MYO9B: variants seen among roughly 807,000 people sequenced by gnomAD.
MYO9B encodes unconventional myosin-IXb.
Under a neutral mutation model 229.5 loss-of-function variants are expected in MYO9B, and 71 were observed. The ratio of observed to expected loss-of-function variants is 0.31; its 90% CI spans 0.26 to 0.38. MYO9B has a LOEUF of 0.38. MYO9B is among the 10% of genes least tolerant of loss of function. The pLI is 1.00. For missense variants in MYO9B, 2,255 were observed against 2,920.5 expected, an observed-to-expected ratio of 0.77 and a Z score of 5.25; for synonymous variants, 1,185 against 1,235.8, an observed-to-expected ratio of 0.96 and a Z score of 0.86.
intron 1 of MYO9B, among the ~76,000 whole-genome samples, chr19:17,087,416 C>T (rs1214812125): frequency 6.6e-6 from 1 of 152,150 alleles, no homozygotes; most frequent in Non-Finnish European, 1.5e-5. Flanking sequence ...CATGGGTGAG[C>T]GTGGAATTGG....
chr19:17,211,844 C>T lies in MYO9B; in HGVS notation c.6059-51C>T. 9 of 1,605,274 alleles carry T rather than the reference C, an allele frequency of 5.6e-6. 1 individual carries two copies. In the South Asian group the frequency reaches 8.8e-5, roughly 16 times the overall value. On this transcript the variant is annotated intron_variant, in intron 39 of 39. Coordinates refer to ENST00000682292, the MANE Select transcript of MYO9B (RefSeq NM_004145.4). ...CAGCAGGCCCCAGGGCGAGGGTCCT[C>T]CGGCTGCCGGCCCTGAAGCTGCAGT...
rs766291777 is a variant in MYO9B, at chr19:17,195,229, G to A, written c.3802G>A (p.Ala1268Thr). 39 of 1,611,338 alleles carry A rather than the reference G, an allele frequency of 2.4e-5. No homozygotes were observed. The highest frequency in any genetic ancestry group is 9.4e-5 in the African/African-American group (7 of 74,690). ...SRVSPPAPGS[A>T]PETPEDKSKP... ...GGTCAGCCCACCGGCCCCTGGCAGC[G>A]CCCCCGAGACCCCCGAGGACAAGAG... The change falls in exon 22 of 40, where the codon GCC (alanine) becomes ACC (threonine). Residue 1268 changes from alanine (A) to threonine (T), a missense_variant. Transcript: ENST00000682292. This position sits in a 1 kb window ranked among gnomAD's most constrained non-coding sequence, Gnocchi z 4.5.
At chr19:17,145,091 A>G (rs964977165) in intron 2 of MYO9B, among the ~76,000 whole-genome samples, 1 of 152,090 alleles carries the variant, frequency 6.6e-6, no homozygotes, top group African/African-American at 2.4e-5. Flanking sequence ...CAGCCTGGAC[A>G]ACATGGTGAA....
chr19:17,160,380 G>A lies in MYO9B; in HGVS notation c.1419+896G>A, dbSNP rs185112575. ...TCCATTTCCTTGACACCCAAGAAAT[G>A]CAAAACGAGGGGGACACATTCTAGA... On this transcript the variant is annotated intron_variant, in intron 8 of 39. Coordinates refer to ENST00000682292, the MANE Select transcript of MYO9B (RefSeq NM_004145.4). 3.9e-5 allele frequency among the ~76,000 whole-genome samples: 6 copies of A among 152,188 alleles called. No individual in the cohort carries two copies. In the East Asian group the frequency reaches 1.2e-3, roughly 29 times the overall value.
intron 1 of MYO9B, among the ~76,000 whole-genome samples, chr19:17,086,651 G>A (rs1021320127): frequency 3.9e-5 from 6 of 152,126 alleles, no homozygotes; most frequent in East Asian, 3.9e-4. Flanking sequence ...AAGCTGAGGC[G>A]GGCAGATCGC....
chr19:17,160,997 A>C (rs553275767), intron 8 of MYO9B, among the ~76,000 whole-genome samples: 1 of 141,750 alleles, frequency 7.1e-6, no homozygotes, highest in East Asian at 2.1e-4. Flanking sequence ...CGGTGCCCAG[A>C]TTTTTTTTTT....
rs71334657 is a variant in MYO9B, at chr19:17,083,026, C to CTTTT, written c.-59+7171_-59+7174dup. Among the ~76,000 whole-genome samples the CTTTT allele has an allele frequency of 1.2e-3, 110 of 90,888 alleles. 1 individual carries two copies. Among genetic ancestry groups the CTTTT allele is most frequent in the African/African-American group, 2.3e-3 (53 of 22,622 alleles). The allele number at this position is 90,888 out of a possible 152,430, so 59.6% of individuals were successfully genotyped here. A position where few individuals can be genotyped will look rare whatever the true frequency, so the allele number is the denominator to read the frequency against. The stretch of plus-strand genomic sequence containing the variant: ...GGAGGCTGAAAGTGTGTGAATCTTG[C>CTTTT]TTTTTTTTTTTTTTTTTTTTTTGAG... On this transcript the variant is annotated intron_variant, in intron 1 of 39. Coordinates refer to ENST00000682292, the MANE Select transcript of MYO9B (RefSeq NM_004145.4).
chr19:17,179,102 C>T (rs952077914), intron 14 of MYO9B, among the ~76,000 whole-genome samples: 8 of 151,900 alleles, frequency 5.3e-5, no homozygotes, highest in African/African-American at 1.5e-4. Context: ...GGTGGGCACC[C>T]GTCCTGTAGA....
At position 17,154,044 on chromosome 19, in the gene MYO9B, A is replaced by T; in HGVS notation, c.1076A>T (p.Glu359Val). The change falls in exon 5 of 40, where the codon GAA becomes GTA. Residue 359 changes from glutamate to valine, a missense_variant. By Grantham distance (121) the Glu-to-Val change is moderately radical. Transcript: ENST00000682292. The stretch of plus-strand genomic sequence containing the variant: ...CAAGAATTTCAGCTCAAGCAGCCTG[A>T]AGATTATTTCTACCTCAACCAGGTA... Reference protein sequence around the residue: ...ERQEFQLKQPEDYFYLNQHNL... With the variant: ...ERQEFQLKQPVDYFYLNQHNL... 15 of 1,613,108 alleles carry T rather than the reference A, an allele frequency of 9.3e-6. No homozygotes were observed. The highest frequency in any genetic ancestry group is 1.3e-5 in the Non-Finnish European group (15 of 1,179,780).
At chr19:17,173,144 T>G (rs2072744933) in intron 13 of MYO9B, among the ~76,000 whole-genome samples, 181 bp downstream of exon 13, 1 of 152,002 alleles carries the variant, frequency 6.6e-6, no homozygotes, top group Admixed American at 6.6e-5. Context: ...GTGTGTAATT[T>G]AACCTCAGGG....
intron 6 of MYO9B, 47 bp downstream of exon 6, chr19:17,154,462 G>GA: frequency 1.4e-6 from 2 of 1,445,156 alleles, no homozygotes; most frequent in Non-Finnish European, 1.9e-6. Flanking sequence ...CCTACAGGGG[G>GA]CACGCATGGC....
intron 6 of MYO9B, among the ~76,000 whole-genome samples, chr19:17,154,990 G>C (rs1411569287): frequency 6.6e-6 from 1 of 151,776 alleles, no homozygotes; most frequent in Non-Finnish European, 1.5e-5. Context: ...AAGAATGCTG[G>C]GTACGGTTGT....
intron 1 of MYO9B, among the ~76,000 whole-genome samples, chr19:17,077,036 T>C (rs1371840504): frequency 6.6e-6 from 1 of 152,140 alleles, no homozygotes; most frequent in African/African-American, 2.4e-5. Flanking sequence ...TGGGGACACT[T>C]TCCAGCCAGA....
rs370223936 is a variant in MYO9B at position 17,151,609 on chromosome 19, G to A, written c.936-1035G>A. On this transcript the variant is annotated intron_variant, in intron 3 of 39. Transcript: ENST00000682292. ...ATGTTCAGCATCATTGGTCATCAGG[G>A]AAATGCAAATCCAAACCACAGTGAC... Among the ~76,000 whole-genome samples the A allele has an allele frequency of 3.8e-4, 58 of 152,264 alleles. 1 individual carries two copies. The highest frequency in any genetic ancestry group is 1.0e-3 in the African/African-American group (42 of 41,560).
intron 3 of MYO9B, among the ~76,000 whole-genome samples, chr19:17,149,123 C>T (rs1286470472): frequency 6.6e-6 from 1 of 151,948 alleles, no homozygotes; most frequent in Non-Finnish European, 1.5e-5. Context: ...TACAGGTGCA[C>T]ACCCCCACAC....
chr19:17,124,498 G>A (rs180856866), intron 2 of MYO9B, among the ~76,000 whole-genome samples: 4 of 152,218 alleles, frequency 2.6e-5, no homozygotes, highest in Admixed American at 1.3e-4. Flanking sequence ...ACAGCTGGGC[G>A]TGGGGGCTCA....
intron 15 of MYO9B, among the ~76,000 whole-genome samples, chr19:17,182,802 T>C (rs2072875831): frequency 6.6e-6 from 1 of 152,206 alleles, no homozygotes; most frequent in Admixed American, 6.5e-5. Flanking sequence ...CCAGGCCTTT[T>C]GAATAAATAA....
At chr19:17,107,578 A>T (rs1278736507) in intron 2 of MYO9B, among the ~76,000 whole-genome samples, 3 of 152,184 alleles carry the variant, frequency 2.0e-5, no homozygotes, top group African/African-American at 7.2e-5. Context: ...GGAGGCCAGA[A>T]GTCTGAAATC....
intron 1 of MYO9B, among the ~76,000 whole-genome samples, chr19:17,084,473 T>C (rs1414118818): frequency 6.6e-6 from 1 of 152,096 alleles, no homozygotes; most frequent in Non-Finnish European, 1.5e-5. Flanking sequence ...TGGGTCCCTC[T>C]CTGTGGTGGG....
Sources: gnomAD v4.1 joint callset for allele counts (sites outside exome capture counted in the v4.1 genomes callset) on GRCh38, gnomAD v4.1.1 for gene constraint, Gnocchi (gnomAD v3.1) non-coding constraint, MANE v1.5 for transcripts, NCBI Gene and HGNC (gene_info 2026-07-23, HGNC 2026-07-21) for gene names.